The following SPIN1 variants were observed in gnomAD, a reference collection of about 807,000 sequenced individuals.
SPIN1 encodes spindlin-1.
In SPIN1, 3 loss-of-function variants were observed where a neutral mutation model predicts 26.0. The observed-to-expected ratio is 0.12, with a 90% CI of 0.05 to 0.30. The LOEUF is 0.30. SPIN1 is among the 10% of genes least tolerant of loss of function. The probability of loss-of-function intolerance (pLI) is 1.00; values close to 1 mark genes in which losing one functional copy is unlikely to be tolerated. For synonymous variants in SPIN1, 101 were observed against 116.5 expected (o/e 0.87, Z 0.86); for missense variants, 126 against 333.4 (o/e 0.38, Z 4.84).
intron 1 of SPIN1, among the ~76,000 whole-genome samples, chr9:88,405,828 T>G (rs1827289961): frequency 6.6e-6 from 1 of 151,796 alleles, no homozygotes; most frequent in African/African-American, 2.4e-5. Flanking sequence ...ATTTTTTAGC[T>G]CCATTATAAT....
At chr9:88,447,036 C>T (rs1200163098) in intron 2 of SPIN1, among the ~76,000 whole-genome samples, 2 of 152,076 alleles carry the variant, frequency 1.3e-5, no homozygotes, top group African/African-American at 4.8e-5. Context: ...GTCTTTGATT[C>T]CGCTTTCCTA....
At chr9:88,392,013 C>T (rs189108082) in intron 1 of SPIN1, among the ~76,000 whole-genome samples, 6 of 152,234 alleles carry the variant, frequency 3.9e-5, no homozygotes, top group African/African-American at 1.4e-4. Context: ...CTTTTAAAAC[C>T]TTGAATTCCT....
intron 2 of SPIN1, among the ~76,000 whole-genome samples, chr9:88,429,000 A>G (rs1827812995): frequency 6.6e-6 from 1 of 151,974 alleles, no homozygotes; most frequent in East Asian, 1.9e-4. Flanking sequence ...CAGCCTCCCG[A>G]CTAGCTGGGA....
chr9:88,423,950 T>C (rs1313604279), intron 1 of SPIN1, among the ~76,000 whole-genome samples: 1 of 151,988 alleles, frequency 6.6e-6, no homozygotes, highest in Admixed American at 6.6e-5. Flanking sequence ...TTGTGTTTTT[T>C]GTAGAGATGG....
At chr9:88,438,896 A>G (rs963594618) in intron 2 of SPIN1, among the ~76,000 whole-genome samples, 1 of 152,212 alleles carries the variant, frequency 6.6e-6, no homozygotes, top group Non-Finnish European at 1.5e-5. Context: ...TTGTAACACA[A>G]CAAGAAACCA....
At chr9:88,411,042 CTCGG>C (rs931781893) in intron 1 of SPIN1, 1 of 1,585,528 alleles carries the variant, frequency 6.3e-7, no homozygotes, top group African/African-American at 1.3e-5. Flanking sequence ...TTGCCACTGC[CTCGG>C]TCAGTCATGA....
At chr9:88,471,419 C>G (rs1189611915) in intron 5 of SPIN1, among the ~76,000 whole-genome samples, 1 of 151,918 alleles carries the variant, frequency 6.6e-6, no homozygotes, top group Non-Finnish European at 1.5e-5. Context: ...AATCCCAGTA[C>G]TTTGGGAGGC....
In SPIN1 at chr9:88,475,047, CTTTTTTTTTTTTT is replaced by C; in HGVS notation, c.590-20_590-8del. ...TGACTTAGAAATTTTCTCTCTCTCT[CTTTTTTTTTTTTT>C]TTTTTTTTTTAATATAGATGATTCA... is the stretch of plus-strand genomic sequence containing the variant. On this transcript the variant is annotated intron_variant, in intron 5 of 5. Transcript: ENST00000375859. The C allele has an allele frequency of 4.8e-6, 4 of 839,830 alleles. No homozygotes were observed. In the South Asian group the frequency reaches 9.0e-5, roughly 19 times the overall value. 52.0% of individuals were successfully genotyped at this position (839,830 alleles called of 1,614,324 possible). A position where few individuals can be genotyped will look rare whatever the true frequency, so the allele number is the denominator to read the frequency against.
intron 3 of SPIN1, among the ~76,000 whole-genome samples, chr9:88,460,952 G>C (rs1422706802): frequency 6.6e-6 from 1 of 152,200 alleles, no homozygotes; most frequent in Non-Finnish European, 1.5e-5. Context: ...TCTACTTAAT[G>C]AGCCTGTTTT....
chr9:88,456,489 A>T lies in SPIN1; in HGVS notation c.102-6007A>T, dbSNP rs144051638. ...AATGGCTTGAGTACAGTTACCAAAT[A>T]TTAAAAGGGTAAGAAAATTGATTGT... On this transcript the variant is annotated intron_variant, in intron 3 of 5. Transcript: ENST00000375859. Among the ~76,000 whole-genome samples, 278 of 152,332 alleles carry T rather than the reference A, an allele frequency of 1.8e-3. 1 individual carries two copies. The highest frequency in any genetic ancestry group is 6.5e-3 in the African/African-American group (272 of 41,570).
chr9:88,474,434 A>T (rs982229373), intron 5 of SPIN1, among the ~76,000 whole-genome samples: 3 of 152,138 alleles, frequency 2.0e-5, no homozygotes, highest in Non-Finnish European at 4.4e-5. Flanking sequence ...ATTCCCTTGT[A>T]GTTGTCCTGG....
intron 1 of SPIN1, among the ~76,000 whole-genome samples, chr9:88,414,073 CAT>C (rs531140533): frequency 6.6e-6 from 1 of 151,544 alleles, no homozygotes; most frequent in Non-Finnish European, 1.5e-5. Context: ...TAAGAAGTGA[CAT>C]ATAGGGCAGT....
intron 2 of SPIN1, among the ~76,000 whole-genome samples, chr9:88,432,496 T>G (rs972245506): frequency 6.6e-6 from 1 of 151,234 alleles, no homozygotes; most frequent in African/African-American, 2.4e-5. Flanking sequence ...TTTTTTTTTT[T>G]TTCTTTGAGA....
intron 2 of SPIN1, among the ~76,000 whole-genome samples, chr9:88,447,830 C>T (rs1421342976): frequency 6.6e-6 from 1 of 152,138 alleles, no homozygotes; most frequent in Non-Finnish European, 1.5e-5. Context: ...ACACCATTGC[C>T]CAAAAATTGC....
intron 2 of SPIN1, among the ~76,000 whole-genome samples, chr9:88,442,185 T>G (rs1168391325): frequency 6.6e-6 from 1 of 151,890 alleles, no homozygotes; most frequent in Non-Finnish European, 1.5e-5. Flanking sequence ...GGTGACAAAT[T>G]TCATCACTTT....
intron 3 of SPIN1, among the ~76,000 whole-genome samples, chr9:88,449,687 A>T (rs1828320366): frequency 6.6e-6 from 1 of 152,202 alleles, no homozygotes. Context: ...AATAGATTTC[A>T]CAACTATCTA....
intron 2 of SPIN1, among the ~76,000 whole-genome samples, chr9:88,432,771 G>A (rs952230085): frequency 1.3e-5 from 2 of 152,122 alleles, no homozygotes; most frequent in African/African-American, 4.8e-5. Flanking sequence ...GCAGGCATGA[G>A]CCACTGCGCC....
chr9:88,396,896 G>T (rs1587770324), intron 1 of SPIN1, among the ~76,000 whole-genome samples: 1 of 152,038 alleles, frequency 6.6e-6, no homozygotes, highest in African/African-American at 2.4e-5. Context: ...ACAGTGCTGT[G>T]TAGGTATTTA....
chr9:88,420,759 A>G (rs1042941524), intron 1 of SPIN1, among the ~76,000 whole-genome samples: 1 of 152,244 alleles, frequency 6.6e-6, no homozygotes, highest in East Asian at 1.9e-4. Flanking sequence ...ACATTTTACA[A>G]AACAGTGTAG....
Sources: allele counts gnomAD v4.1 joint callset (sites outside exome capture counted in the v4.1 genomes callset), GRCh38; gene constraint gnomAD v4.1.1; transcripts MANE v1.5; gene names NCBI Gene and HGNC (gene_info 2026-07-23, HGNC 2026-07-21).